The following RMDN1 variants were observed in gnomAD, a reference collection of about 807,000 sequenced individuals.
RMDN1 encodes the protein regulator of microtubule dynamics 1.
A neutral mutation model predicts 48.9 loss-of-function variants in RMDN1; 48 were observed. That is an observed-to-expected ratio of 0.98 (90% confidence interval 0.78 to 1.25). RMDN1 has a LOEUF of 1.25. Ranked by LOEUF, RMDN1 falls within the 50% of genes most tolerant of loss-of-function variation. The pLI is 0.00. For synonymous variants in RMDN1, 148 were observed against 132.6 expected (o/e 1.12, Z -0.80); for missense variants, 418 against 373.4 (o/e 1.12, Z -0.98).
chr8:86,500,943 G>T (rs376202357), intron 2 of RMDN1, among the ~76,000 whole-genome samples: 5 of 152,264 alleles, frequency 3.3e-5, no homozygotes. Flanking sequence ...ATTAATATGG[G>T]AACAGAAAAC....
rs200289866 is a variant in RMDN1, at chr8:86,477,335, C to A, written c.730-11G>T. On this transcript the variant is annotated splice_polypyrimidine_tract_variant and intron_variant, in intron 7 of 9. Transcript: ENST00000406452. The stretch of plus-strand genomic sequence containing the variant: ...AAAGTAGCCTAAGGCCTGTCAAAAA[C>A]ACAAAGAGCCCAAACATAATAAAAA... 1 of 839,744 alleles carries A rather than the reference C, an allele frequency of 1.2e-6. No individual in the cohort carries two copies. The highest frequency in any genetic ancestry group is 3.0e-5 in the South Asian group (1 of 33,824). The allele number at this position is 839,744 out of a possible 1,614,324, so 52.0% of individuals were successfully genotyped here.
intron 2 of RMDN1, among the ~76,000 whole-genome samples, chr8:86,501,618 G>A (rs1586756514): frequency 1.3e-5 from 2 of 151,788 alleles, no homozygotes; most frequent in African/African-American, 2.4e-5. Context: ...AGGCTACAGC[G>A]AGTTGTGATC....
chr8:86,505,142 AC>A, intron 2 of RMDN1: 1 of 1,254,228 alleles, frequency 8.0e-7, no homozygotes, highest in Non-Finnish European at 1.1e-6. Flanking sequence ...ATCAGGATGA[AC>A]CCAGGACTGC....
At chr8:86,505,731 TAGA>T (rs1332465917) in intron 2 of RMDN1, among the ~76,000 whole-genome samples, 4 of 152,134 alleles carry the variant, frequency 2.6e-5, no homozygotes, top group Non-Finnish European at 4.4e-5. Flanking sequence ...GGTTATACAG[TAGA>T]AGATTTCATG....
In RMDN1 at chr8:86,479,010, C is replaced by T. The variant is rs571449684; in HGVS notation, c.642G>A (p.Trp214Ter). Residue 214 changes from tryptophan to a stop codon, truncating the protein, a stop_gained and splice_region_variant, in exon 7 of 10, where the codon TGG (tryptophan) becomes TGA (stop). Transcript: ENST00000406452. LOFTEE classifies it high-confidence loss of function. ...AAGGCATTTCGGCAAATGTATAGCA[C>T]CTACAGGGAAATAAAACAATTTTAT... The part of the protein sequence containing the change: ...DATSIHLMGI[W>*]CYTFAEMPWY... The T allele has an allele frequency of 2.5e-6, 4 of 1,610,658 alleles. No individual in the cohort carries two copies. In the South Asian group the frequency reaches 3.3e-5, roughly 13 times the overall value.
At chr8:86,504,422 G>A (rs941092315) in intron 2 of RMDN1, 10 of 1,558,882 alleles carry the variant, frequency 6.4e-6, no homozygotes, top group African/African-American at 2.7e-5. Flanking sequence ...CAGCTCTCTC[G>A]ACAGCTCTCT....
rs1814785228 is a variant in RMDN1 at position 86,482,914 on chromosome 8, G to C, written c.585+1958C>G. On this transcript the variant is annotated intron_variant, in intron 5 of 9. Transcript: ENST00000406452. ...AACAGACTGACCTCTGATACATCTG[G>C]CTGTTTCCTCCAGAGGCAGGTGGGC... The C allele has an allele frequency of 5.4e-6, 5 of 923,266 alleles. No individual in the cohort carries two copies. The African/African-American group carries it at 6.5e-5, about 12-fold the overall frequency. 57.2% of individuals were successfully genotyped at this position (923,266 alleles called of 1,614,324 possible).
At chr8:86,499,625 A>T (rs1817891128) in intron 2 of RMDN1, among the ~76,000 whole-genome samples, 1 of 152,234 alleles carries the variant, frequency 6.6e-6, no homozygotes, top group Non-Finnish European at 1.5e-5. Context: ...AAAGCAATTT[A>T]CAGATTCTTA....
intron 2 of RMDN1, among the ~76,000 whole-genome samples, chr8:86,497,748 C>T (rs1817603614): frequency 6.6e-6 from 1 of 150,546 alleles, no homozygotes; most frequent in Admixed American, 6.6e-5. Flanking sequence ...CAGAGAAGAT[C>T]CAGATAAACA....
Position 86,474,913 on chromosome 8 carries a change from T to C in RMDN1, c.801A>G (p.Gly267=), listed in dbSNP as rs1457872000. ...TGTTGTGTAGTTTCAAGTATGTCTT[T>C]CCTAAAAGAAGTAAGTTTTTGCTGT... The part of the protein sequence containing the change: ...NFYSKNLLLL[G]KTYLKLHNKK... Residue 267 remains glycine (G), a synonymous_variant, in exon 9 of 10, where the codon GGA becomes GGG. Coordinates refer to ENST00000406452, the MANE Select transcript of RMDN1 (RefSeq NM_016033.3). The C allele has an allele frequency of 2.5e-6, 4 of 1,611,564 alleles. No individual in the cohort carries two copies. Among genetic ancestry groups the C allele is most frequent in the Non-Finnish European group, 3.4e-6 (4 of 1,179,276 alleles).
At position 86,473,167 on chromosome 8, in the gene RMDN1, A is replaced by G. The variant is rs560404731; in HGVS notation, c.*1141T>C. On this transcript the variant is annotated 3_prime_UTR_variant, in exon 10 of 10. Coordinates refer to ENST00000406452, the MANE Select transcript of RMDN1 (RefSeq NM_016033.3). ...TTTCAGTTTTCCTTTTTGTTTGAAA[A>G]TGTACATGACAAACATATCCATACA... The G allele has an allele frequency of 2.0e-6, 2 of 985,354 alleles. No individual in the cohort carries two copies. Among genetic ancestry groups the G allele is most frequent in the East Asian group, 1.1e-4 (1 of 8,802 alleles). 61.0% of individuals were successfully genotyped at this position (985,354 alleles called of 1,614,324 possible). A position where few individuals can be genotyped will look rare whatever the true frequency, so the allele number is the denominator to read the frequency against.
downstream of RMDN1, chr8:86,470,217 C>T: frequency 7.8e-7 from 1 of 1,289,310 alleles, no homozygotes; most frequent in Non-Finnish European, 1.0e-6. Flanking sequence ...TACCAACTTA[C>T]TTTGATATAC....
At chr8:86,502,127 G>C (rs1020490162) in intron 2 of RMDN1, among the ~76,000 whole-genome samples, 3 of 152,080 alleles carry the variant, frequency 2.0e-5, no homozygotes, top group African/African-American at 4.8e-5. Flanking sequence ...TAATTAAAAA[G>C]TGAGGATTGT....
At chr8:86,482,670 A>G (rs574741206) in intron 5 of RMDN1, 1 of 854,082 alleles carries the variant, frequency 1.2e-6, no homozygotes, top group East Asian at 2.4e-5. Flanking sequence ...AGTCGGAAAA[A>G]GACTTTATGG....
chr8:86,508,154 T>G (rs566709341), intron 1 of RMDN1: 1 of 259,922 alleles, frequency 3.8e-6, no homozygotes, highest in East Asian at 7.5e-5. Flanking sequence ...CCTCAAGCGC[T>G]GTTGTATCTG....
chr8:86,513,823 C>T (rs975669790), intron 1 of RMDN1, among the ~76,000 whole-genome samples: 1 of 151,482 alleles, frequency 6.6e-6, no homozygotes, highest in African/African-American at 2.4e-5. Context: ...ATGTATTTCG[C>T]TATTTTCATG....
intron 2 of RMDN1, chr8:86,494,983 A>G: frequency 2.5e-6 from 1 of 406,946 alleles, no homozygotes; most frequent in Non-Finnish European, 4.8e-6. Flanking sequence ...CAAAAAATAA[A>G]AATAAACAAA....
chr8:86,470,177 G>A (rs1330692772), downstream of RMDN1: 12 of 1,288,380 alleles, frequency 9.3e-6, no homozygotes, highest in Non-Finnish European at 1.0e-5. Context: ...TATAGCCTAT[G>A]TATGTAATAA....
intron 5 of RMDN1, 175 bp downstream of exon 5, chr8:86,484,697 G>A (rs1395359884): frequency 3.2e-5 from 13 of 412,358 alleles, no homozygotes; most frequent in African/African-American, 2.6e-4. Context: ...TAGCCCGGAT[G>A]ACAAGAGCGA....
Sources: allele counts gnomAD v4.1 joint callset (sites outside exome capture counted in the v4.1 genomes callset), GRCh38; gene constraint gnomAD v4.1.1; transcripts MANE v1.5; gene names NCBI Gene and HGNC (gene_info 2026-07-23, HGNC 2026-07-21).